The following TEC variants were observed in gnomAD, a reference collection of about 807,000 sequenced individuals.
TEC encodes tyrosine-protein kinase Tec.
A neutral mutation model predicts 93.0 loss-of-function variants in TEC; 72 were observed. The observed-to-expected ratio is 0.77, with a 90% CI of 0.64 to 0.94. The LOEUF is 0.94. Ranked by LOEUF, TEC falls within the 40% of genes least tolerant of loss-of-function variation. The probability of loss-of-function intolerance (pLI) is 0.00; values close to 1 mark genes in which losing one functional copy is unlikely to be tolerated. For missense variants in TEC, 630 were observed against 757.9 expected, an observed-to-expected ratio of 0.83 and a Z score of 1.98; for synonymous variants, 249 against 247.7, an observed-to-expected ratio of 1.01 and a Z score of -0.05.
rs141577133 is a variant in TEC, at chr4:48,205,258, C to G, written c.138+23219G>C. Among the ~76,000 whole-genome samples, 29 of 152,298 alleles carry G rather than the reference C, an allele frequency of 1.9e-4. No individual in the cohort carries two copies. The East Asian group carries it at 5.6e-3, about 29-fold the overall frequency. ...GCCTGGCCTGCATAATAGCAGGCAG[C>G]CTCAGTGAGGCTCACTTCACCTGAT... is the stretch of plus-strand genomic sequence containing the variant. On this transcript the variant is annotated intron_variant, in intron 2 of 17. Transcript: ENST00000381501.
intron 2 of TEC, among the ~76,000 whole-genome samples, chr4:48,204,487 C>T (rs908514345): frequency 2.6e-5 from 4 of 152,178 alleles, no homozygotes; most frequent in Non-Finnish European, 4.4e-5. Flanking sequence ...CTTTTCCTTT[C>T]GCTGATTTTG....
In TEC at chr4:48,163,716, G is replaced by A. The variant is rs1374407287; in HGVS notation, c.723C>T (p.Asn241=). The change falls in exon 8 of 18, where the codon AAC becomes AAT. Residue 241 remains asparagine, a synonymous_variant. Transcript: ENST00000381501. ...SNYVTGKKSN[N]LDQYEWYCRN... ...CATTTACTTACTCATATTGATCTAA[G>A]TTGTTTGATTTCTTTCCCGTTACGT... 1 of 1,491,886 alleles carries A rather than the reference G, an allele frequency of 6.7e-7. No individual in the cohort carries two copies. The highest frequency in any genetic ancestry group is 1.4e-5 in the African/African-American group (1 of 71,488). The allele number at this position is 1,491,886 out of a possible 1,614,324, so 92.4% of individuals were successfully genotyped here.
intron 2 of TEC, among the ~76,000 whole-genome samples, chr4:48,184,128 A>T (rs62309332): frequency 0.12 from 19,012 of 152,228 alleles, 1,552 homozygotes; most frequent in East Asian, 0.39. Context: ...TAATGTGGAT[A>T]ATCTCAGTGA....
chr4:48,236,001 T>A lies in TEC; in HGVS notation c.-45-7342A>T, dbSNP rs542261531. Among the ~76,000 whole-genome samples, 4 of 152,240 alleles carry A rather than the reference T, an allele frequency of 2.6e-5. No homozygotes were observed. The East Asian group carries it at 7.7e-4, about 29-fold the overall frequency. ...TTCTCTAGTGGAAAGGAAGGTGGAA[T>A]GGAAGGAAAAAGTTTAATGAGGTGT... On this transcript the variant is annotated intron_variant, in intron 1 of 17. Coordinates refer to ENST00000381501, the MANE Select transcript of TEC (RefSeq NM_003215.3).
In TEC at chr4:48,236,290, G is replaced by GC. The variant is rs1553894820; in HGVS notation, c.-45-7632_-45-7631insG. On this transcript the variant is annotated intron_variant, in intron 1 of 17. Transcript: ENST00000381501. ...AGGATTACAAACAGCTTTTTTTTTT[G>GC]TTTTTTTTTGAGACGGAGTCTCGCT... 6.1e-5 allele frequency among the ~76,000 whole-genome samples: 9 copies of GC among 147,600 alleles called. No homozygotes were observed. The East Asian group carries it at 1.8e-3, about 29-fold the overall frequency.
At chr4:48,163,434 T>A (rs1720753869) in intron 8 of TEC, among the ~76,000 whole-genome samples, 2 of 152,234 alleles carry the variant, frequency 1.3e-5, no homozygotes, top group African/African-American at 4.8e-5. Context: ...TCAGCTAATC[T>A]GTGATTTATT....
chr4:48,199,550 T>C (rs146260645), intron 2 of TEC, among the ~76,000 whole-genome samples: 3,185 of 125,944 alleles, frequency 0.025, 56 homozygotes, highest in Non-Finnish European at 0.038. Context: ...CACTACAACC[T>C]CCGCCTCCCA....
At chr4:48,251,506 C>A (rs1035954990) in intron 1 of TEC, among the ~76,000 whole-genome samples, 3 of 152,104 alleles carry the variant, frequency 2.0e-5, no homozygotes, top group African/African-American at 7.2e-5. Flanking sequence ...TGACACTTTT[C>A]TTGATTATGT....
chr4:48,226,775 T>C lies in TEC; in HGVS notation c.138+1702A>G, dbSNP rs563156524. Among the ~76,000 whole-genome samples, 7 of 152,274 alleles carry C rather than the reference T, an allele frequency of 4.6e-5. No individual in the cohort carries two copies. The East Asian group carries it at 1.2e-3, about 25-fold the overall frequency. On this transcript the variant is annotated intron_variant, in intron 2 of 17. Coordinates refer to ENST00000381501, the MANE Select transcript of TEC (RefSeq NM_003215.3). ...AAGGGTTGGTGTCCCTAACCCTACA[T>C]TGACAAGAGTCAACTATATATTAAA... is the stretch of plus-strand genomic sequence containing the variant.
intron 1 of TEC, among the ~76,000 whole-genome samples, chr4:48,232,816 C>G (rs976757122): frequency 6.6e-6 from 1 of 152,172 alleles, no homozygotes; most frequent in African/African-American, 2.4e-5. Flanking sequence ...CCAGGTCCCA[C>G]CAAGGGGAAG....
intron 1 of TEC, among the ~76,000 whole-genome samples, chr4:48,230,023 C>T (rs1181293736): frequency 2.0e-5 from 3 of 151,740 alleles, no homozygotes; most frequent in Non-Finnish European, 4.4e-5. Flanking sequence ...TTCAGTGAGC[C>T]GAGATCGCAC....
intron 2 of TEC, among the ~76,000 whole-genome samples, chr4:48,190,979 A>G (rs1391032013): frequency 6.6e-6 from 1 of 152,214 alleles, no homozygotes; most frequent in Non-Finnish European, 1.5e-5. Context: ...CAATATTTTC[A>G]GTATTGTCTC....
At chr4:48,246,141 C>A (rs1453568380) in intron 1 of TEC, among the ~76,000 whole-genome samples, 1 of 151,972 alleles carries the variant, frequency 6.6e-6, no homozygotes, top group Non-Finnish European at 1.5e-5. Context: ...ACGGATTTAT[C>A]ATTTTTATCT....
intron 2 of TEC, among the ~76,000 whole-genome samples, chr4:48,181,435 G>A (rs922817907): frequency 3.9e-5 from 6 of 152,100 alleles, no homozygotes; most frequent in African/African-American, 1.4e-4. Flanking sequence ...AGCACTTTGA[G>A]AGGCCAAGGA....
intron 6 of TEC, 47 bp from the exon 7 acceptor site, chr4:48,168,000 CTG>C (rs1235710439): frequency 2.5e-6 from 4 of 1,569,832 alleles, no homozygotes; most frequent in Non-Finnish European, 3.5e-6. Context: ...CTATATGAAA[CTG>C]ATCATGAATC....
intron 1 of TEC, among the ~76,000 whole-genome samples, chr4:48,246,420 G>A (rs917429778): frequency 6.6e-6 from 1 of 151,476 alleles, no homozygotes; most frequent in African/African-American, 2.4e-5. Flanking sequence ...AACTGGACAA[G>A]GTGATTCTAA....
intron 1 of TEC, among the ~76,000 whole-genome samples, chr4:48,268,370 A>C (rs915924199): frequency 6.6e-6 from 1 of 152,262 alleles, no homozygotes; most frequent in Admixed American, 6.5e-5. Flanking sequence ...GAGAAGAGTC[A>C]AGATCATTAA....
At chr4:48,249,534 C>T (rs2109666536) in intron 1 of TEC, among the ~76,000 whole-genome samples, 1 of 152,294 alleles carries the variant, frequency 6.6e-6, no homozygotes. Flanking sequence ...TAGTATGTGC[C>T]TTCCTGATAG....
At chr4:48,260,726 G>A (rs1322689558) in intron 1 of TEC, among the ~76,000 whole-genome samples, 3 of 152,056 alleles carry the variant, frequency 2.0e-5, no homozygotes, top group South Asian at 4.1e-4. Flanking sequence ...TAATTACAAC[G>A]TCATAAAGTA....
Sources: allele counts gnomAD v4.1 joint callset (sites outside exome capture counted in the v4.1 genomes callset), GRCh38; gene constraint gnomAD v4.1.1; transcripts MANE v1.5; gene names NCBI Gene and HGNC (gene_info 2026-07-23, HGNC 2026-07-21).